The following ROBO1 variants were observed in gnomAD, a reference collection of about 807,000 sequenced individuals.
ROBO1 encodes roundabout homolog 1.
Under a neutral mutation model 195.9 loss-of-function variants are expected in ROBO1, and 149 were observed. That is an observed-to-expected ratio of 0.76 (90% confidence interval 0.67 to 0.87). The LOEUF (loss-of-function observed/expected upper bound fraction) is 0.87, where lower values mean the gene tolerates loss of function less well. Ranked by LOEUF, ROBO1 falls within the 40% of genes least tolerant of loss-of-function variation. The pLI, the probability that ROBO1 is intolerant of heterozygous loss-of-function variation, is 0.00. For missense variants in ROBO1, 1,933 were observed against 2,068.3 expected (o/e 0.93, Z 1.27); for synonymous variants, 816 against 733.2 (o/e 1.11, Z -1.82).
At chr3:78,612,506 G>A (rs1040888135) in intron 28 of ROBO1, among the ~76,000 whole-genome samples, 11 of 152,066 alleles carry the variant, frequency 7.2e-5, no homozygotes, top group Admixed American at 1.3e-4. Flanking sequence ...TTGTCTCTAC[G>A]TCATAACCAC....
rs58598961 is a variant in ROBO1, at chr3:78,973,575, CTATATATATATA to C, written c.173-34660_173-34649del. ...TATAAGAAGCTATACATATATGAAG[CTATATATATATA>C]TATATATATATAGCTTCTTAGGTTA... is the stretch of plus-strand genomic sequence containing the variant. On this transcript the variant is annotated intron_variant, in intron 3 of 30. Coordinates refer to ENST00000464233, the MANE Select transcript of ROBO1 (RefSeq NM_002941.4). Among the ~76,000 whole-genome samples, 100 of 129,410 alleles carry C rather than the reference CTATATATATATA, an allele frequency of 7.7e-4. 1 individual carries two copies. Among genetic ancestry groups the C allele is most frequent in the African/African-American group, 2.5e-3 (92 of 36,280 alleles). The allele number at this position is 129,410 out of a possible 152,430, so 84.9% of individuals were successfully genotyped here.
chr3:78,891,370 A>G (rs2036882770), intron 4 of ROBO1, among the ~76,000 whole-genome samples: 1 of 152,192 alleles, frequency 6.6e-6, no homozygotes, highest in Admixed American at 6.5e-5. Context: ...ATTCAACATC[A>G]TGAAGCATCA....
At chr3:79,657,129 T>C (rs1223491367) in intron 1 of ROBO1, among the ~76,000 whole-genome samples, 2 of 152,134 alleles carry the variant, frequency 1.3e-5, no homozygotes, top group African/African-American at 2.4e-5. Flanking sequence ...TATTCTCATC[T>C]CTGTTATAAA....
At chr3:79,227,118 A>G (rs1224487014) in intron 2 of ROBO1, among the ~76,000 whole-genome samples, 1 of 152,120 alleles carries the variant, frequency 6.6e-6, no homozygotes, top group Non-Finnish European at 1.5e-5. Flanking sequence ...GCAACTTTTG[A>G]CAATGGTGAA....
intron 1 of ROBO1, among the ~76,000 whole-genome samples, chr3:79,667,211 A>T (rs1043430757): frequency 5.9e-5 from 9 of 151,862 alleles, no homozygotes; most frequent in African/African-American, 7.2e-5. Flanking sequence ...CATTTTAGAA[A>T]GTTTAAAATA....
intron 3 of ROBO1, among the ~76,000 whole-genome samples, chr3:79,009,550 A>G (rs2108200625): frequency 6.6e-6 from 1 of 152,366 alleles, no homozygotes; most frequent in Non-Finnish European, 1.5e-5. Context: ...TAAAACAGTA[A>G]GAAAAGCAAA....
chr3:78,671,967 T>C (rs1203934891), intron 10 of ROBO1, among the ~76,000 whole-genome samples: 1 of 152,196 alleles, frequency 6.6e-6, no homozygotes. Flanking sequence ...TTTTGTGGTA[T>C]AATTTACAAT....
chr3:79,421,986 C>T (rs2038242324), intron 2 of ROBO1, among the ~76,000 whole-genome samples: 1 of 151,400 alleles, frequency 6.6e-6, no homozygotes, highest in Non-Finnish European at 1.5e-5. Context: ...TTTATATCCA[C>T]TCTGCAACTC....
intron 3 of ROBO1, among the ~76,000 whole-genome samples, chr3:79,037,990 G>GA (rs1388400815): frequency 6.6e-6 from 1 of 152,038 alleles, no homozygotes; most frequent in Admixed American, 6.6e-5. Flanking sequence ...TATGATCCAA[G>GA]AAAGATTTTT....
intron 4 of ROBO1, among the ~76,000 whole-genome samples, chr3:78,921,594 G>C (rs1468800977): frequency 6.6e-6 from 1 of 152,172 alleles, no homozygotes; most frequent in African/African-American, 2.4e-5. Flanking sequence ...TTTTAGGAAA[G>C]TAACAAGCAT....
intron 2 of ROBO1, among the ~76,000 whole-genome samples, chr3:79,190,179 G>A (rs993083740): frequency 3.3e-5 from 5 of 151,400 alleles, no homozygotes; most frequent in African/African-American, 1.2e-4. Context: ...CTTATATATT[G>A]TTCAGAAATG....
intron 1 of ROBO1, among the ~76,000 whole-genome samples, chr3:79,695,667 G>C (rs1947423929): frequency 6.6e-6 from 1 of 151,314 alleles, no homozygotes; most frequent in Admixed American, 6.6e-5. Context: ...TGATTTTGAA[G>C]GAATTAAGAG....
chr3:79,329,176 T>C (rs1438587846), intron 2 of ROBO1, among the ~76,000 whole-genome samples: 1 of 152,210 alleles, frequency 6.6e-6, no homozygotes, highest in Non-Finnish European at 1.5e-5. Context: ...GTTCTCTCTT[T>C]GGACAATAAA....
At chr3:79,178,052 A>T (rs1277016435) in intron 2 of ROBO1, among the ~76,000 whole-genome samples, 1 of 152,206 alleles carries the variant, frequency 6.6e-6, no homozygotes, top group African/African-American at 2.4e-5. Flanking sequence ...TAAAAATTGC[A>T]ATGGAAGTTA....
At chr3:78,935,268 T>C (rs1482079734) in intron 4 of ROBO1, among the ~76,000 whole-genome samples, 9 of 152,042 alleles carry the variant, frequency 5.9e-5, no homozygotes, top group Non-Finnish European at 1.0e-4. Flanking sequence ...AGCCAGCAGA[T>C]GTCTGCCTAG....
At chr3:79,087,121 G>A (rs2108478533) in intron 3 of ROBO1, among the ~76,000 whole-genome samples, 1 of 152,088 alleles carries the variant, frequency 6.6e-6, no homozygotes, top group Admixed American at 6.6e-5. Flanking sequence ...TTGAGTAACA[G>A]AAGACAGGAT....
rs190028553 is a variant in ROBO1 at position 78,666,428 on chromosome 3, A to G, written c.1966+1455T>C. ...AGAATCATGCATGTGAGTACAGGAC[A>G]AAACGGTGTTAAGCTCTAGTCATCA... On this transcript the variant is annotated intron_variant, in intron 14 of 30. Transcript: ENST00000464233. 1.0e-3 allele frequency among the ~76,000 whole-genome samples: 158 copies of G among 152,342 alleles called. 2 individuals are homozygous for G. The highest frequency in any genetic ancestry group is 3.4e-3 in the African/African-American group (143 of 41,584).
At chr3:79,535,319 A>G (rs1235958385) in intron 2 of ROBO1, among the ~76,000 whole-genome samples, 1 of 151,918 alleles carries the variant, frequency 6.6e-6, no homozygotes, top group African/African-American at 2.4e-5. Context: ...TTTCCACAAC[A>G]CTCTGCAGAT....
intron 10 of ROBO1, among the ~76,000 whole-genome samples, chr3:78,678,636 C>A (rs1040298335): frequency 2.8e-4 from 43 of 152,126 alleles, no homozygotes; most frequent in African/African-American, 7.9e-4. Context: ...AAGAAGTTGA[C>A]TCTCTGAATA....
Sources: gnomAD v4.1 joint callset for allele counts (sites outside exome capture counted in the v4.1 genomes callset) on GRCh38, gnomAD v4.1.1 for gene constraint, MANE v1.5 for transcripts, NCBI Gene and HGNC (gene_info 2026-07-23, HGNC 2026-07-21) for gene names.